Variants in TEX10 observed in about 807,000 individuals in gnomAD.
TEX10 encodes testis expressed 10.
TEX10 carries 24 observed loss-of-function variants against 104.4 expected under a neutral mutation model. That is an observed-to-expected ratio of 0.23 (90% confidence interval 0.17 to 0.32). The LOEUF (loss-of-function observed/expected upper bound fraction) is 0.32. Among genes scored for constraint, TEX10 ranks in the 10% least tolerant of loss-of-function variants. The probability of loss-of-function intolerance (pLI) is 1.00; values close to 1 mark genes in which losing one functional copy is unlikely to be tolerated. For synonymous variants in TEX10, 396 were observed against 393.4 expected, an observed-to-expected ratio of 1.01 and a Z score of -0.08; for missense variants, 921 against 1,083.9, an observed-to-expected ratio of 0.85 and a Z score of 2.11.
At chr9:100,310,728 T>C (rs1834256944) in intron 11 of TEX10, among the ~76,000 whole-genome samples, 1 of 152,228 alleles carries the variant, frequency 6.6e-6, no homozygotes. Context: ...TGTGAGCCAC[T>C]GTGCCCAGCA....
At chr9:100,352,457 G>A in intron 1 of TEX10, 3 of 1,551,694 alleles carry the variant, frequency 1.9e-6, no homozygotes, top group Non-Finnish European at 2.6e-6. Flanking sequence ...CTACTCCAAG[G>A]GACGCCGGCC....
At chr9:100,316,552 T>C (rs1834422736) in intron 11 of TEX10, among the ~76,000 whole-genome samples, 1 of 151,742 alleles carries the variant, frequency 6.6e-6, no homozygotes, top group South Asian at 2.1e-4. Context: ...AGAAAAAAAA[T>C]AAAAGACATC....
intron 14 of TEX10, among the ~76,000 whole-genome samples, chr9:100,302,932 C>CG (rs1239342696): frequency 6.9e-6 from 1 of 144,864 alleles, no homozygotes; most frequent in South Asian, 2.3e-4. Context: ...TTAACCGCCC[C>CG]CCCCCCAAAC....
At chr9:100,324,013 A>T (rs1272252456) in intron 9 of TEX10, among the ~76,000 whole-genome samples, 2 of 152,136 alleles carry the variant, frequency 1.3e-5, no homozygotes, top group Admixed American at 1.3e-4. Context: ...GTAACCCAAC[A>T]TATGTCTGAA....
At chr9:100,339,778 T>C (rs1164741979) in intron 5 of TEX10, among the ~76,000 whole-genome samples, 1 of 152,142 alleles carries the variant, frequency 6.6e-6, no homozygotes, top group Non-Finnish European at 1.5e-5. Context: ...GGCTTACTTT[T>C]TTTTTTTTAA....
intron 8 of TEX10, among the ~76,000 whole-genome samples, 176 bp downstream of exon 8, chr9:100,327,611 T>A (rs1002288276): frequency 1.3e-5 from 2 of 152,100 alleles, no homozygotes; most frequent in Non-Finnish European, 2.9e-5. Flanking sequence ...CCTTCTATAT[T>A]CTAATAAATA....
intron 11 of TEX10, among the ~76,000 whole-genome samples, chr9:100,314,992 C>T (rs963939650): frequency 3.3e-5 from 5 of 152,164 alleles, no homozygotes; most frequent in African/African-American, 7.2e-5. Context: ...CTCAAGAGCA[C>T]GTCATCGTTC....
At chr9:100,350,673 A>G (rs1835417039) in intron 1 of TEX10, among the ~76,000 whole-genome samples, 1 of 152,298 alleles carries the variant, frequency 6.6e-6, no homozygotes, top group East Asian at 1.9e-4. Flanking sequence ...TGACAATGCT[A>G]CACATGAGGG....
chr9:100,314,816 T>G (rs1564204873), intron 11 of TEX10, among the ~76,000 whole-genome samples: 1 of 152,232 alleles, frequency 6.6e-6, no homozygotes, highest in African/African-American at 2.4e-5. Context: ...GGTTGCTGAT[T>G]AGTTATCTTT....
At chr9:100,352,242 C>A (rs1374574818) in intron 1 of TEX10, among the ~76,000 whole-genome samples, 1 of 152,196 alleles carries the variant, frequency 6.6e-6, no homozygotes, top group Non-Finnish European at 1.5e-5. Flanking sequence ...AGGGGCCAAC[C>A]AGAGGCGACA....
chr9:100,310,516 G>A (rs917651723), intron 11 of TEX10, 137 bp from the exon 12 acceptor site: 13 of 740,386 alleles, frequency 1.8e-5, no homozygotes, highest in East Asian at 8.5e-5. Flanking sequence ...TCAGCTCACC[G>A]CAACCCCCGT....
At chr9:100,348,833 C>G (rs751837050) in intron 2 of TEX10, among the ~76,000 whole-genome samples, 3 of 152,112 alleles carry the variant, frequency 2.0e-5, no homozygotes, top group Non-Finnish European at 4.4e-5. Context: ...ATCACTTGAG[C>G]CCAGAAGGTC....
intron 9 of TEX10, among the ~76,000 whole-genome samples, chr9:100,323,356 A>G (rs1211666355): frequency 6.6e-6 from 1 of 152,186 alleles, no homozygotes; most frequent in African/African-American, 2.4e-5. Flanking sequence ...AGACCAGGTC[A>G]TATGTTCACC....
chr9:100,329,400 G>A, intron 6 of TEX10, 125 bp from the exon 7 acceptor site: 1 of 1,068,140 alleles, frequency 9.4e-7, no homozygotes, highest in Non-Finnish European at 1.3e-6. Context: ...GCCACAAATA[G>A]ACAACTACCA....
At chr9:100,329,615 G>A (rs537406120) in intron 6 of TEX10, among the ~76,000 whole-genome samples, 2 of 152,206 alleles carry the variant, frequency 1.3e-5, no homozygotes, top group Admixed American at 6.5e-5. Context: ...TTAACCTTAA[G>A]CTAGAAAAAA....
At chr9:100,320,979 A>C (rs1834555694) in intron 10 of TEX10, among the ~76,000 whole-genome samples, 1 of 152,204 alleles carries the variant, frequency 6.6e-6, no homozygotes, top group Non-Finnish European at 1.5e-5. Flanking sequence ...AATACCACTG[A>C]TGTGGCCCAA....
chr9:100,351,938 G>A (rs1835462015), intron 1 of TEX10, among the ~76,000 whole-genome samples: 2 of 152,178 alleles, frequency 1.3e-5, no homozygotes, highest in South Asian at 2.1e-4. Context: ...AGTCTCAGAG[G>A]AGGAGCTCAC....
At chr9:100,303,019 T>C (rs1328845560) in intron 14 of TEX10, among the ~76,000 whole-genome samples, 3 of 149,468 alleles carry the variant, frequency 2.0e-5, no homozygotes, top group South Asian at 2.1e-4. Context: ...GAGCCAACCA[T>C]TAGACAAAGC....
At chr9:100,314,884 C>T (rs959815319) in intron 11 of TEX10, among the ~76,000 whole-genome samples, 1 of 152,098 alleles carries the variant, frequency 6.6e-6, no homozygotes, top group Non-Finnish European at 1.5e-5. Flanking sequence ...ACTGCTTTTC[C>T]TGTATCTCAT....
Sources: allele counts gnomAD v4.1 joint callset (sites outside exome capture counted in the v4.1 genomes callset), GRCh38; gene constraint gnomAD v4.1.1; transcripts MANE v1.5; gene names NCBI Gene and HGNC (gene_info 2026-07-23, HGNC 2026-07-21).